The following CALN1 variants were observed in gnomAD, a reference collection of about 807,000 sequenced individuals.
The protein encoded by CALN1 is calcium-binding protein 8.
A neutral mutation model predicts 30.6 loss-of-function variants in CALN1; 17 were observed. The ratio of observed to expected loss-of-function variants is 0.56; its 90% CI spans 0.38 to 0.83. The LOEUF is 0.83. Among genes scored for constraint, CALN1 ranks in the 40% least tolerant of loss-of-function variants. The probability of loss-of-function intolerance (pLI) is 0.00; values close to 1 mark genes in which losing one functional copy is unlikely to be tolerated. For missense variants in CALN1, 291 were observed against 354.9 expected (o/e 0.82, Z 1.45); for synonymous variants, 156 against 131.4 (o/e 1.19, Z -1.28).
intron 2 of CALN1, among the ~76,000 whole-genome samples, chr7:72,292,400 G>A (rs1437440895): frequency 6.6e-6 from 1 of 150,536 alleles, no homozygotes; most frequent in Non-Finnish European, 1.5e-5. Flanking sequence ...CACCTCATTA[G>A]TGAATGAGGC....
chr7:71,941,692 T>C (rs939718103), intron 5 of CALN1, among the ~76,000 whole-genome samples: 1 of 152,212 alleles, frequency 6.6e-6, no homozygotes, highest in Admixed American at 6.5e-5. Context: ...AAGAATCTTT[T>C]GTGCTGCTGG....
chr7:72,098,943 G>A (rs961147230), intron 4 of CALN1, among the ~76,000 whole-genome samples: 3 of 152,122 alleles, frequency 2.0e-5, no homozygotes, highest in African/African-American at 7.2e-5. Context: ...CTAATCCAGG[G>A]AGATGACTGT....
intron 5 of CALN1, among the ~76,000 whole-genome samples, chr7:71,987,111 G>A (rs1438651110): frequency 6.6e-6 from 1 of 151,424 alleles, no homozygotes; most frequent in Non-Finnish European, 1.5e-5. Context: ...CGGTGACAGA[G>A]CGAAGCTTCG....
intron 1 of CALN1, among the ~76,000 whole-genome samples, chr7:72,406,884 G>A (rs1407137893): frequency 6.6e-6 from 1 of 152,050 alleles, no homozygotes; most frequent in Non-Finnish European, 1.5e-5. Flanking sequence ...CCAAAGTGCT[G>A]GGATTACAGA....
intron 2 of CALN1, chr7:72,336,850 A>AGGCAGCCGCGTCCCCGTGCC: frequency 2.0e-6 from 2 of 984,836 alleles, no homozygotes; most frequent in Non-Finnish European, 2.4e-6. Context: ...CACCCCCAGC[A>AGGCAGCCGCGTCCCCGTGCC]GGCAGCCGCG....
At chr7:72,406,622 T>TTTTTCC (rs1554402599) in intron 1 of CALN1, among the ~76,000 whole-genome samples, 1 of 92,204 alleles carries the variant, frequency 1.1e-5, no homozygotes, top group African/African-American at 5.8e-5. Context: ...CAGCTTTTTT[T>TTTTTCC]TTTTTCTTTT....
intron 2 of CALN1, among the ~76,000 whole-genome samples, chr7:72,345,759 A>AAT (rs1160410762): frequency 3.3e-5 from 5 of 152,166 alleles, no homozygotes; most frequent in African/African-American, 1.2e-4. Flanking sequence ...GCCTTTGGAG[A>AAT]ATCAAGTTCG....
chr7:72,239,770 C>A (rs748116220), intron 3 of CALN1, among the ~76,000 whole-genome samples: 2 of 152,088 alleles, frequency 1.3e-5, no homozygotes, highest in Non-Finnish European at 2.9e-5. Flanking sequence ...GCCCTCGATC[C>A]CAACAGGGTT....
chr7:72,082,186 A>G (rs1476214438), intron 4 of CALN1, among the ~76,000 whole-genome samples: 1 of 152,160 alleles, frequency 6.6e-6, no homozygotes, highest in Non-Finnish European at 1.5e-5. Context: ...GGGTTTCACC[A>G]CGTTGGTCAG....
intron 2 of CALN1, among the ~76,000 whole-genome samples, chr7:72,309,593 C>T (rs180919371): frequency 6.6e-6 from 1 of 152,082 alleles, no homozygotes; most frequent in East Asian, 1.9e-4. Context: ...GAGCCCTTGG[C>T]GGAGGGCATG....
Position 72,092,625 on chromosome 7 carries a change from TA to T in CALN1, c.388+13525del, listed in dbSNP as rs369445548. Among the ~76,000 whole-genome samples the T allele has an allele frequency of 8.7e-3, 928 of 106,172 alleles. 9 individuals are homozygous for T. Among genetic ancestry groups the T allele is most frequent in the African/African-American group, 0.03 (828 of 27,306 alleles). The allele number at this position is 106,172 out of a possible 152,430, so 69.7% of individuals were successfully genotyped here. ...TTTTGCAATGAATATTGTATTCTAG[TA>T]AAAAAAAAAAAAAAAAAAAAAAAAG... On this transcript the variant is annotated intron_variant, in intron 4 of 6. Transcript: ENST00000395275.
At chr7:72,332,586 G>C (rs1271631512) in intron 2 of CALN1, among the ~76,000 whole-genome samples, 1 of 152,006 alleles carries the variant, frequency 6.6e-6, no homozygotes, top group East Asian at 1.9e-4. Flanking sequence ...TACTTCCATA[G>C]CATCCCCTGG....
intron 5 of CALN1, among the ~76,000 whole-genome samples, chr7:71,963,151 TTTG>T (rs1797334070): frequency 1.3e-5 from 2 of 151,992 alleles, no homozygotes; most frequent in African/African-American, 4.8e-5. Flanking sequence ...TCTAAGAAAC[TTTG>T]TTATTTTTAT....
the CALN1 span, among the ~76,000 whole-genome samples, chr7:72,496,324 T>C: frequency 3.3e-5 from 5 of 152,246 alleles, no homozygotes; most frequent in African/African-American, 9.6e-5. Flanking sequence ...ATCACTACTT[T>C]ATTTTTAAAT....
At chr7:72,393,470 C>A (rs1472987866) in intron 2 of CALN1, among the ~76,000 whole-genome samples, 1 of 151,988 alleles carries the variant, frequency 6.6e-6, no homozygotes, top group East Asian at 1.9e-4. Flanking sequence ...TCTCAAAAAA[C>A]AAAACAAACA....
intron 2 of CALN1, among the ~76,000 whole-genome samples, chr7:72,338,138 C>T (rs1235222859): frequency 1.3e-5 from 2 of 152,164 alleles, no homozygotes; most frequent in East Asian, 1.9e-4. Context: ...ACAGATTAGA[C>T]GCTTGCCAGT....
At chr7:71,860,539 T>G (rs1477753057) in intron 5 of CALN1, among the ~76,000 whole-genome samples, 1 of 152,166 alleles carries the variant, frequency 6.6e-6, no homozygotes, top group Non-Finnish European at 1.5e-5. Context: ...TTCTTTCACT[T>G]TACTCTATGG....
chr7:72,196,846 CAGTT>C (rs1791045613), intron 3 of CALN1, among the ~76,000 whole-genome samples: 1 of 152,156 alleles, frequency 6.6e-6, no homozygotes. Context: ...CAGCAGCCCA[CAGTT>C]AGTATCATGA....
intron 3 of CALN1, among the ~76,000 whole-genome samples, chr7:72,112,854 A>T (rs1288821128): frequency 6.6e-6 from 1 of 152,194 alleles, no homozygotes; most frequent in Non-Finnish European, 1.5e-5. Flanking sequence ...CTATAATACA[A>T]GTATACACAA....
Sources: allele counts gnomAD v4.1 joint callset (sites outside exome capture counted in the v4.1 genomes callset), GRCh38; gene constraint gnomAD v4.1.1; transcripts MANE v1.5; gene names NCBI Gene and HGNC (gene_info 2026-07-23, HGNC 2026-07-21).